Variants in RBPJ observed in about 807,000 individuals in gnomAD.
RBPJ encodes recombining binding protein suppressor of hairless.
RBPJ carries 9 observed loss-of-function variants against 67.8 expected under a neutral mutation model. The observed-to-expected ratio is 0.13, with a 90% CI of 0.08 to 0.23. The LOEUF is 0.23. RBPJ is among the 10% of genes least tolerant of loss of function. The probability of loss-of-function intolerance (pLI) is 1.00; values close to 1 mark genes in which losing one functional copy is unlikely to be tolerated. For synonymous variants in RBPJ, 198 were observed against 203.3 expected (o/e 0.97, Z 0.22); for missense variants, 305 against 595.6 (o/e 0.51, Z 5.08).
upstream of RBPJ, among the ~76,000 whole-genome samples, chr4:26,317,309 A>C (rs184997086): frequency 6.8e-4 from 103 of 152,142 alleles, no homozygotes; most frequent in Middle Eastern, 6.8e-3. Flanking sequence ...GGAATGAGCT[A>C]TAAGGTATAT....
intron 1 of RBPJ, among the ~76,000 whole-genome samples, chr4:26,277,250 C>T (rs1055456150): frequency 8.3e-5 from 12 of 145,362 alleles, no homozygotes; most frequent in African/African-American, 2.7e-4. Flanking sequence ...TCAGCCTGGG[C>T]GACAGAGCAA....
At chr4:26,266,476 A>G (rs779035887) in intron 1 of RBPJ, among the ~76,000 whole-genome samples, 2 of 152,204 alleles carry the variant, frequency 1.3e-5, no homozygotes, top group Non-Finnish European at 2.9e-5. Context: ...GTAATAAACT[A>G]GGGGAAACTT....
upstream of RBPJ, among the ~76,000 whole-genome samples, chr4:26,159,665 G>A (rs1315812642): frequency 5.9e-5 from 9 of 152,212 alleles, no homozygotes; most frequent in Admixed American, 3.9e-4. Flanking sequence ...GAATTTCCAA[G>A]AGGAAGATAT....
At chr4:26,412,250 C>T (rs1734107879) in intron 3 of RBPJ, among the ~76,000 whole-genome samples, 1 of 152,022 alleles carries the variant, frequency 6.6e-6, no homozygotes, top group African/African-American at 2.4e-5. Context: ...CCAACATGAC[C>T]CTGTAAGAGT....
At chr4:26,377,636 T>A (rs1287749833) in intron 1 of RBPJ, among the ~76,000 whole-genome samples, 1 of 152,212 alleles carries the variant, frequency 6.6e-6, no homozygotes, top group Admixed American at 6.5e-5. Context: ...GGAAAACCCT[T>A]AGGTTTGATG....
At chr4:26,249,919 G>A (rs200059098) in intron 1 of RBPJ, among the ~76,000 whole-genome samples, 1 of 151,242 alleles carries the variant, frequency 6.6e-6, no homozygotes, top group East Asian at 2.0e-4. Context: ...CCGAGTAGCT[G>A]GGATTACAGG....
intron 1 of RBPJ, among the ~76,000 whole-genome samples, chr4:26,256,923 C>T (rs1720361220): frequency 6.6e-6 from 1 of 152,166 alleles, no homozygotes; most frequent in African/African-American, 2.4e-5. Context: ...GTTGATGGTT[C>T]CATGCTTTTC....
intron 1 of RBPJ, among the ~76,000 whole-genome samples, chr4:26,228,768 C>T (rs6850130): frequency 0.02 from 3,109 of 152,328 alleles, 118 homozygotes; most frequent in African/African-American, 0.07. Flanking sequence ...TTCCCTCTTG[C>T]TGGATCTCTA....
At chr4:26,156,414 C>CTTTTTTTTT in the RBPJ span, among the ~76,000 whole-genome samples, 431 of 93,468 alleles carry the variant, frequency 4.6e-3, no homozygotes, top group African/African-American at 5.2e-3. Context: ...TCTTTTCTTT[C>CTTTTTTTTT]TTTTTTTTTT....
chr4:26,270,434 AAAGAAGAAAGAAAGAAAG>A (rs1316372863), intron 1 of RBPJ, among the ~76,000 whole-genome samples: 13 of 62,226 alleles, frequency 2.1e-4, no homozygotes, highest in African/African-American at 4.8e-4. Flanking sequence ...AGAAAGAAAG[AAAGAAGAAAGAAAGAAAG>A]AAAGAAAAGA....
intron 1 of RBPJ, among the ~76,000 whole-genome samples, chr4:26,304,267 A>G (rs905969622): frequency 6.6e-6 from 1 of 152,224 alleles, no homozygotes; most frequent in African/African-American, 2.4e-5. Context: ...GGACATTTGC[A>G]TTGCTTCCAC....
At chr4:26,427,516 C>T (rs887292465) in intron 7 of RBPJ, among the ~76,000 whole-genome samples, 8 of 152,106 alleles carry the variant, frequency 5.3e-5, no homozygotes, top group African/African-American at 1.9e-4. Context: ...GGGCTGAGAA[C>T]TCAGCTCTGG....
At chr4:26,313,082 C>A (rs768656607) in intron 1 of RBPJ, among the ~76,000 whole-genome samples, 48 of 152,242 alleles carry the variant, frequency 3.2e-4, no homozygotes, top group Non-Finnish European at 4.9e-4. Flanking sequence ...GCCACCATGC[C>A]CAGCTAATTT....
At chr4:26,285,678 TAAAAAA>T (rs545484809) in intron 1 of RBPJ, among the ~76,000 whole-genome samples, 6 of 96,266 alleles carry the variant, frequency 6.2e-5, no homozygotes, top group African/African-American at 9.1e-5. Context: ...ACTGATACGT[TAAAAAA>T]AAAAAAAAAA....
chr4:26,270,381 GAA>G (rs1466441305), intron 1 of RBPJ, among the ~76,000 whole-genome samples: 9 of 49,464 alleles, frequency 1.8e-4, no homozygotes, highest in African/African-American at 4.8e-4. Context: ...AAGAAAGAAA[GAA>G]AGAAAGAAAG....
the RBPJ span, among the ~76,000 whole-genome samples, chr4:26,137,559 G>C: frequency 6.6e-6 from 1 of 152,166 alleles, no homozygotes; most frequent in Non-Finnish European, 1.5e-5. Flanking sequence ...ATGGCTGGGG[G>C]TGTGCTGCAG....
intron 1 of RBPJ, among the ~76,000 whole-genome samples, chr4:26,290,003 G>T (rs1344987142): frequency 6.6e-6 from 1 of 150,466 alleles, no homozygotes; most frequent in Non-Finnish European, 1.5e-5. Flanking sequence ...AGAGAGCAAG[G>T]AATGCCAATA....
intron 1 of RBPJ, among the ~76,000 whole-genome samples, chr4:26,378,560 A>G (rs1002121887): frequency 3.3e-5 from 5 of 152,192 alleles, no homozygotes; most frequent in Non-Finnish European, 5.9e-5. Flanking sequence ...GAGGTACCTA[A>G]AAATCCAGAT....
At chr4:26,226,885 A>G (rs1429242197) in intron 1 of RBPJ, among the ~76,000 whole-genome samples, 1 of 152,228 alleles carries the variant, frequency 6.6e-6, no homozygotes, top group Non-Finnish European at 1.5e-5. Context: ...ACTGAAATTT[A>G]TTTGATGATG....
Sources: allele counts gnomAD v4.1 joint callset (sites outside exome capture counted in the v4.1 genomes callset), GRCh38; gene constraint gnomAD v4.1.1; transcripts MANE v1.5; gene names NCBI Gene and HGNC (gene_info 2026-07-23, HGNC 2026-07-21).